The following SEPTIN8 variants were observed in gnomAD, a reference collection of about 807,000 sequenced individuals.
SEPTIN8 encodes septin-8.
Under a neutral mutation model 53.1 loss-of-function variants are expected in SEPTIN8, and 22 were observed. That is an observed-to-expected ratio of 0.41 (90% CI 0.30 to 0.59). The LOEUF is 0.59. Among genes scored for constraint, SEPTIN8 ranks in the 20% least tolerant of loss-of-function variants. SEPTIN8 has a pLI of 0.24. For missense variants in SEPTIN8, 536 were observed against 638.7 expected, an observed-to-expected ratio of 0.84 and a Z score of 1.73; for synonymous variants, 228 against 248.4, an observed-to-expected ratio of 0.92 and a Z score of 0.77.
chr5:132,758,844 C>A (rs908002094), intron 9 of SEPTIN8: 1 of 1,608,844 alleles, frequency 6.2e-7, no homozygotes, highest in Non-Finnish European at 8.5e-7. Flanking sequence ...AAAAATAAAA[C>A]AAACAAAACA....
chr5:132,761,699 C>G lies in SEPTIN8; in HGVS notation c.794-73G>C. On this transcript the variant is annotated intron_variant, in intron 6 of 9. Transcript: ENST00000378719. This position sits in a 1 kb window ranked among gnomAD's most constrained non-coding sequence, Gnocchi z 5.8. The stretch of plus-strand genomic sequence containing the variant: ...ACACTCCAGAGTCAGGGTAGGCACG[C>G]AGGTGGGCATGAGGAGGAAACAGCA... 1.9e-6 allele frequency: 3 copies of G among 1,593,198 alleles called. No homozygotes were observed. The highest frequency in any genetic ancestry group is 1.7e-5 in the Admixed American group (1 of 59,198).
In SEPTIN8 at chr5:132,776,792, G is replaced by T. The variant is rs1757840356; in HGVS notation, c.30+316C>A. On this transcript the variant is annotated intron_variant, in intron 1 of 9. Coordinates refer to ENST00000378719, the MANE Select transcript of SEPTIN8 (RefSeq NM_001098811.2). This position sits in a 1 kb window ranked among gnomAD's most constrained non-coding sequence, Gnocchi z 4.4. ...CGGAGTGTCCCGGACCCTCACCTGC[G>T]GCCCCGCGGGCGCCACTCTATCTTC... Among the ~76,000 whole-genome samples the T allele has an allele frequency of 6.6e-6, 1 of 152,136 alleles. No individual in the cohort carries two copies. The highest frequency in any genetic ancestry group is 6.5e-5 in the Admixed American group (1 of 15,274).
intron 9 of SEPTIN8, chr5:132,753,004 T>C: frequency 6.5e-7 from 1 of 1,539,484 alleles, no homozygotes. Context: ...TTTCAGAGCA[T>C]AGTGTGAAAC....
intron 1 of SEPTIN8, among the ~76,000 whole-genome samples, chr5:132,766,677 A>G (rs1351615435): frequency 6.6e-6 from 1 of 152,166 alleles, no homozygotes; most frequent in Non-Finnish European, 1.5e-5. Flanking sequence ...TCCTGCCCAT[A>G]GCCGCAGGGT....
Position 132,761,249 on chromosome 5 carries a change from C to G in SEPTIN8, c.979G>C (p.Glu327Gln), listed in dbSNP as rs374676053. 1 of 1,613,922 alleles carries G rather than the reference C, an allele frequency of 6.2e-7. No homozygotes were observed. Among genetic ancestry groups the G allele is most frequent in the East Asian group, 2.2e-5 (1 of 44,886 alleles). The part of the protein sequence containing the change: ...SQPFSLQETY[E>Q]AKRKEFLSEL... ...CTTAGGAACTCCTTCCTCTTGGCCT[C>G]GTATGTCTCTTGTAGGCTGTGGAGA... The change falls in exon 8 of 10, where the codon GAG becomes CAG. Residue 327 changes from glutamate (E) to glutamine (Q), a missense_variant. Physicochemically the swap from Glu to Gln is conservative, Grantham distance 29. Coordinates refer to ENST00000378719, the MANE Select transcript of SEPTIN8 (RefSeq NM_001098811.2). The surrounding 1 kb of genome is among the most constrained non-coding windows in gnomAD (Gnocchi z 5.8).
Position 132,751,999 on chromosome 5 carries a change from G to C in SEPTIN8, c.*17C>G. 1 of 1,612,232 alleles carries C rather than the reference G, an allele frequency of 6.2e-7. No homozygotes were observed. The highest frequency in any genetic ancestry group is 8.5e-7 in the Non-Finnish European group (1 of 1,179,398). On this transcript the variant is annotated 3_prime_UTR_variant, in exon 10 of 10. Transcript: ENST00000378719. Reference sequence around the variant, plus strand: ...CCTGGTGGTCCTGAGCTGGCCCCATGTGTTGGAGCTGCTGCCTCAGAGGAA... The same window carrying C: ...CCTGGTGGTCCTGAGCTGGCCCCATCTGTTGGAGCTGCTGCCTCAGAGGAA...
At chr5:132,765,379 CTCTG>C (rs758421105) in intron 2 of SEPTIN8, 26 bp downstream of exon 2, 56 of 1,611,556 alleles carry the variant, frequency 3.5e-5, no homozygotes, top group Non-Finnish European at 4.6e-5. Context: ...CTCACCCACC[CTCTG>C]TCTGAGGCCA....
At chr5:132,763,571 C>T (rs185283142) in intron 4 of SEPTIN8, 135 bp downstream of exon 4, 43 of 745,840 alleles carry the variant, frequency 5.8e-5, no homozygotes, top group African/African-American at 4.5e-4. Flanking sequence ...GAGAGAGGAC[C>T]GAGCCAATGG....
At chr5:132,771,276 T>C (rs934628285) in intron 1 of SEPTIN8, among the ~76,000 whole-genome samples, 1 of 152,134 alleles carries the variant, frequency 6.6e-6, no homozygotes, top group African/African-American at 2.4e-5. Flanking sequence ...ACTGAATCTC[T>C]AAACCAACAG....
chr5:132,757,587 C>T (rs747478324), intron 9 of SEPTIN8: 19 of 985,194 alleles, frequency 1.9e-5, no homozygotes, highest in African/African-American at 3.5e-5. Flanking sequence ...TTGAGGGGAG[C>T]GTTGTGCATT....
intron 1 of SEPTIN8, chr5:132,774,127 C>G (rs1757577172): frequency 6.0e-6 from 1 of 166,522 alleles, no homozygotes; most frequent in Non-Finnish European, 1.5e-5. Flanking sequence ...ATTCCTGCTT[C>G]AGGAGGGACT....
chr5:132,758,202 A>G (rs1213742591), intron 9 of SEPTIN8: 2 of 1,177,276 alleles, frequency 1.7e-6, no homozygotes, highest in African/African-American at 3.1e-5. Context: ...TACTTTATAC[A>G]TAAGAAAGGT....
In SEPTIN8 at chr5:132,761,935, C is replaced by T. The variant is rs1756019759; in HGVS notation, c.697-39G>A. 6.5e-7 allele frequency: 1 copy of T among 1,528,524 alleles called. No individual in the cohort carries two copies. The highest frequency in any genetic ancestry group is 8.9e-7 in the Non-Finnish European group (1 of 1,129,250). The allele number at this position is 1,528,524 out of a possible 1,614,324, so 94.7% of individuals were successfully genotyped here. A position where few individuals can be genotyped will look rare whatever the true frequency, so the allele number is the denominator to read the frequency against. On this transcript the variant is annotated intron_variant, in intron 5 of 9. Coordinates refer to ENST00000378719, the MANE Select transcript of SEPTIN8 (RefSeq NM_001098811.2). The surrounding 1 kb of genome is among the most constrained non-coding windows in gnomAD (Gnocchi z 5.8). ...CGGGTATGCGTAAGCCCTGAGCTGA[C>T]ACAGACTAATGGCAGACTCTCCCTC...
chr5:132,758,363 T>G, intron 9 of SEPTIN8: 1 of 1,405,392 alleles, frequency 7.1e-7, no homozygotes, highest in South Asian at 1.8e-5. Flanking sequence ...TTAGAAAAAT[T>G]AAAATGAGGG....
chr5:132,775,992 A>G (rs1279730257), intron 1 of SEPTIN8: 1 of 152,266 alleles, frequency 6.6e-6, no homozygotes, highest in African/African-American at 2.4e-5. Context: ...GTAGAATAAG[A>G]AATGTATTTT....
intron 4 of SEPTIN8, 143 bp downstream of exon 4, chr5:132,763,559 CAGAG>C (rs1756219935): frequency 7.1e-6 from 5 of 701,530 alleles, no homozygotes; most frequent in Admixed American, 4.6e-5. Flanking sequence ...AGACGCAAGA[CAGAG>C]AGAGGACCGA....
At chr5:132,762,270 C>T (rs1756058520) in intron 5 of SEPTIN8, among the ~76,000 whole-genome samples, 1 of 152,214 alleles carries the variant, frequency 6.6e-6, no homozygotes, top group African/African-American at 2.4e-5. Context: ...TTATGACACC[C>T]AAACCTGGGG....
intron 9 of SEPTIN8, chr5:132,752,835 G>C (rs748203029): frequency 2.5e-6 from 4 of 1,568,958 alleles, no homozygotes; most frequent in Non-Finnish European, 3.5e-6. Context: ...TGATGGTTCT[G>C]CTTGAAGATG....
intron 9 of SEPTIN8, chr5:132,756,180 C>CTT (rs1755321807): frequency 1.0e-6 from 1 of 985,350 alleles, no homozygotes; most frequent in African/African-American, 1.7e-5. Context: ...ATGAGCCCCA[C>CTT]TTAACAGGGA....
Sources: allele counts gnomAD v4.1 joint callset (sites outside exome capture counted in the v4.1 genomes callset), GRCh38; gene constraint gnomAD v4.1.1; non-coding constraint Gnocchi (gnomAD v3.1); transcripts MANE v1.5; gene names NCBI Gene and HGNC (gene_info 2026-07-23, HGNC 2026-07-21).